SDC2: variants seen among roughly 807,000 people sequenced by gnomAD.
The protein encoded by SDC2 is syndecan 2.
A neutral mutation model predicts 22.2 loss-of-function variants in SDC2; 13 were observed. The observed-to-expected ratio is 0.59, with a 90% CI of 0.38 to 0.93. SDC2 has a LOEUF of 0.93. SDC2 is among the 40% of genes least tolerant of loss of function. SDC2 has a pLI of 0.00. For synonymous variants in SDC2, 94 were observed against 92.8 expected (o/e 1.01, Z -0.07); for missense variants, 235 against 246.8 (o/e 0.95, Z 0.32).
chr8:96,542,128 C>G (rs1813860377), intron 1 of SDC2, among the ~76,000 whole-genome samples: 2 of 152,162 alleles, frequency 1.3e-5, no homozygotes, highest in South Asian at 2.1e-4. Flanking sequence ...AGCTTCCCCT[C>G]CCAATATGTA....
At chr8:96,555,167 G>T (rs1416870924) in intron 1 of SDC2, among the ~76,000 whole-genome samples, 1 of 151,954 alleles carries the variant, frequency 6.6e-6, no homozygotes, top group Non-Finnish European at 1.5e-5. Context: ...TCTTTTGCCA[G>T]TTTTTTACCC....
intron 1 of SDC2, among the ~76,000 whole-genome samples, chr8:96,545,166 G>A (rs1813911808): frequency 6.6e-6 from 1 of 152,170 alleles, no homozygotes; most frequent in South Asian, 2.1e-4. Flanking sequence ...ACTCTTCTCT[G>A]CCTAGCCTAG....
chr8:96,608,712 G>A (rs1175584285), intron 4 of SDC2, among the ~76,000 whole-genome samples: 2 of 152,328 alleles, frequency 1.3e-5, no homozygotes, highest in East Asian at 3.9e-4. Flanking sequence ...CTAAAAGAGG[G>A]AAAGTTAACA....
At chr8:96,573,430 C>A (rs1447445225) in intron 1 of SDC2, among the ~76,000 whole-genome samples, 1 of 74,042 alleles carries the variant, frequency 1.4e-5, no homozygotes, top group Non-Finnish European at 3.1e-5. Flanking sequence ...TCAGGTTCCA[C>A]CGTTGCAAAA....
intron 1 of SDC2, among the ~76,000 whole-genome samples, chr8:96,564,624 GC>G (rs1430131208): frequency 6.6e-6 from 1 of 152,094 alleles, no homozygotes. Context: ...TTTCTGATTG[GC>G]GAATGTACCT....
At chr8:96,569,481 T>A (rs1814355582) in intron 1 of SDC2, among the ~76,000 whole-genome samples, 1 of 152,164 alleles carries the variant, frequency 6.6e-6, no homozygotes, top group South Asian at 2.1e-4. Context: ...ATCTCTCTCC[T>A]ACCTGACTCT....
At chr8:96,540,288 T>TC (rs1246174721) in intron 1 of SDC2, among the ~76,000 whole-genome samples, 11 of 148,336 alleles carry the variant, frequency 7.4e-5, no homozygotes, top group Non-Finnish European at 1.3e-4. Context: ...GCTTGGGTGT[T>TC]CAAGACCAGC....
chr8:96,602,809 T>C (rs1184238774), intron 3 of SDC2, among the ~76,000 whole-genome samples: 1 of 152,196 alleles, frequency 6.6e-6, no homozygotes, highest in Non-Finnish European at 1.5e-5. Context: ...TATACAACTA[T>C]TTTTCACATG....
chr8:96,587,678 T>G (rs1038685940), intron 1 of SDC2, among the ~76,000 whole-genome samples: 1 of 152,134 alleles, frequency 6.6e-6, no homozygotes, highest in Non-Finnish European at 1.5e-5. Context: ...TCAGTGCAAT[T>G]TTTTCCCCAT....
rs1813612232 is a variant in SDC2 at position 96,528,457 on chromosome 8, C to G, written c.60+34126C>G. On this transcript the variant is annotated intron_variant, in intron 1 of 4. Transcript: ENST00000302190. ...AAGAAAGATTTAGAAAATGCAAATA[C>G]TCAGTGCTCATAACAATATGGTTAG... Among the ~76,000 whole-genome samples the G allele has an allele frequency of 2.6e-5, 4 of 152,200 alleles. No homozygotes were observed. In the South Asian group the frequency reaches 8.3e-4, roughly 32 times the overall value.
intron 3 of SDC2, among the ~76,000 whole-genome samples, chr8:96,607,687 C>A (rs944595350): frequency 6.6e-6 from 1 of 151,918 alleles, no homozygotes. Flanking sequence ...TGTCCGAGAC[C>A]CAGTGAGTGT....
chr8:96,549,162 C>T (rs1371192045), intron 1 of SDC2, among the ~76,000 whole-genome samples: 1 of 152,306 alleles, frequency 6.6e-6, no homozygotes, highest in East Asian at 1.9e-4. Flanking sequence ...TAAAATGAGA[C>T]ACCAGTTTCT....
At chr8:96,590,353 G>A (rs144284419) in intron 1 of SDC2, among the ~76,000 whole-genome samples, 10 of 152,342 alleles carry the variant, frequency 6.6e-5, no homozygotes, top group African/African-American at 2.2e-4. Flanking sequence ...CCTTCCAGTT[G>A]CTTTCGTCCA....
intron 2 of SDC2, among the ~76,000 whole-genome samples, chr8:96,593,917 A>G (rs1378309222): frequency 6.6e-6 from 1 of 152,200 alleles, no homozygotes. Context: ...TGCTCTGTCA[A>G]CATTAGCTTT....
At position 96,583,392 on chromosome 8, in the gene SDC2, ATGTGTG is replaced by A. The variant is rs71267269; in HGVS notation, c.61-10072_61-10067del. On this transcript the variant is annotated intron_variant, in intron 1 of 4. Coordinates refer to ENST00000302190, the MANE Select transcript of SDC2 (RefSeq NM_002998.4). Reference sequence around the variant, plus strand: ...ATCATATATAAAATATATATGACATATGTGTGTGTGTGTGTGTGTGTCTTGTGTTTG... The same window carrying A: ...ATCATATATAAAATATATATGACATATGTGTGTGTGTGTGTCTTGTGTTTG... Among the ~76,000 whole-genome samples, 6 of 102,266 alleles carry A rather than the reference ATGTGTG, an allele frequency of 5.9e-5. 1 individual carries two copies. Among genetic ancestry groups the A allele is most frequent in the South Asian group, 7.1e-4 (2 of 2,826 alleles). 67.1% of individuals were successfully genotyped at this position (102,266 alleles called of 152,430 possible). A position where few individuals can be genotyped will look rare whatever the true frequency, so the allele number is the denominator to read the frequency against.
At chr8:96,604,255 T>A (rs1015423884) in intron 3 of SDC2, among the ~76,000 whole-genome samples, 2 of 152,156 alleles carry the variant, frequency 1.3e-5, no homozygotes, top group African/African-American at 2.4e-5. Flanking sequence ...GACCACTAAT[T>A]TAAGTTTTTA....
intron 1 of SDC2, among the ~76,000 whole-genome samples, chr8:96,534,034 C>T (rs1813711191): frequency 6.6e-6 from 1 of 152,216 alleles, no homozygotes; most frequent in Non-Finnish European, 1.5e-5. Context: ...AGTGCACCCT[C>T]CGCTGCTGCT....
intron 1 of SDC2, among the ~76,000 whole-genome samples, chr8:96,516,300 C>CA: frequency 1.3e-5 from 2 of 152,258 alleles, no homozygotes; most frequent in South Asian, 4.2e-4. Flanking sequence ...CAAAACATAG[C>CA]AAGCGTTATC....
At chr8:96,582,153 C>T (rs184193822) in intron 1 of SDC2, among the ~76,000 whole-genome samples, 23 of 151,980 alleles carry the variant, frequency 1.5e-4, no homozygotes, top group Admixed American at 7.2e-4. Flanking sequence ...CCTGGTTCTT[C>T]TGTCAAGCAA....
Sources: allele counts gnomAD v4.1 joint callset (sites outside exome capture counted in the v4.1 genomes callset), GRCh38; gene constraint gnomAD v4.1.1; transcripts MANE v1.5; gene names NCBI Gene and HGNC (gene_info 2026-07-23, HGNC 2026-07-21).